PLEKHB2: variants seen among roughly 807,000 people sequenced by gnomAD.
The protein encoded by PLEKHB2 is pleckstrin homology domain containing B2, also known as pleckstrin homology domain-containing family B member 2.
PLEKHB2 carries 31 observed loss-of-function variants against 36.5 expected under a neutral mutation model. The observed-to-expected ratio is 0.85, with a 90% confidence interval of 0.64 to 1.15. The LOEUF (loss-of-function observed/expected upper bound fraction) is 1.15. Ranked by LOEUF, PLEKHB2 falls within the 50% of genes most tolerant of loss-of-function variation. The pLI is 0.00. For synonymous variants in PLEKHB2, 119 were observed against 112.0 expected, an observed-to-expected ratio of 1.06 and a Z score of -0.39; for missense variants, 262 against 295.3, an observed-to-expected ratio of 0.89 and a Z score of 0.83.
At chr2:131,111,814 T>C (rs1023980578) in intron 1 of PLEKHB2, among the ~76,000 whole-genome samples, 4 of 152,306 alleles carry the variant, frequency 2.6e-5, no homozygotes, top group Admixed American at 2.0e-4. Context: ...TTTAAAGTTT[T>C]CTTTTGTACC....
chr2:131,144,436 T>G (rs1294739747), intron 7 of PLEKHB2: 5 of 1,226,732 alleles, frequency 4.1e-6, no homozygotes, highest in East Asian at 3.2e-5. Context: ...GTCATTGCAC[T>G]GCAGTTTCCA....
chr2:131,145,747 T>A (rs1699222676), intron 7 of PLEKHB2, among the ~76,000 whole-genome samples: 1 of 152,238 alleles, frequency 6.6e-6, no homozygotes, highest in South Asian at 2.1e-4. Context: ...CTGTGAAGCA[T>A]GGAAGAGAGC....
chr2:131,125,875 A>G lies in PLEKHB2; in HGVS notation c.160A>G (p.Ile54Val). ...TAAGGTCCACATGCCAATGGACTGC[A>G]TCAACATCCGCACGGGGCAGGAATG... ...EDKVHMPMDC[I>V]NIRTGQECRD... Residue 54 changes from isoleucine to valine, a missense_variant, in exon 3 of 8, where the codon ATC becomes GTC. Physicochemically the swap from Ile to Val is conservative, Grantham distance 29. Coordinates refer to ENST00000693505, the MANE Select transcript of PLEKHB2 (RefSeq NM_001100623.2). 1 of 1,613,634 alleles carries G rather than the reference A, an allele frequency of 6.2e-7. No homozygotes were observed.
intron 1 of PLEKHB2, 126 bp from the exon 2 acceptor site, chr2:131,120,808 A>G (rs779292552): frequency 1.2e-6 from 1 of 848,910 alleles, no homozygotes; most frequent in African/African-American, 1.7e-5. Context: ...CCAGGGGGGC[A>G]CTGAGCTAAA....
intron 4 of PLEKHB2, among the ~76,000 whole-genome samples, chr2:131,127,697 GAAAT>G (rs1244116859): frequency 6.6e-5 from 10 of 152,208 alleles, no homozygotes; most frequent in Non-Finnish European, 1.5e-5. Flanking sequence ...GTTAAAGAAA[GAAAT>G]AGATGATTCT....
chr2:131,138,015 ATTT>A (rs779343791), intron 6 of PLEKHB2, among the ~76,000 whole-genome samples: 1 of 113,290 alleles, frequency 8.8e-6, no homozygotes, highest in Admixed American at 8.9e-5. Flanking sequence ...AGAGATGCTC[ATTT>A]TTTTTTTTTT....
rs1267532771 is a variant in PLEKHB2 at position 131,123,773 on chromosome 2, CCA to C, written c.38-1978_38-1977del. Among the ~76,000 whole-genome samples the C allele has an allele frequency of 1.7e-3, 68 of 39,610 alleles. 4 individuals are homozygous for C. Among genetic ancestry groups the C allele is most frequent in the African/African-American group, 5.1e-3 (42 of 8,262 alleles). The allele number at this position is 39,610 out of a possible 152,430, so 26.0% of individuals were successfully genotyped here. On this transcript the variant is annotated intron_variant, in intron 2 of 7. Transcript: ENST00000693505. ...CTTCTGACCTCCTGGTCCACCCCCC[CCA>C]CCCCCCCCCCCGCCCCCCGCCCTCG...
chr2:131,130,787 A>AT, intron 5 of PLEKHB2, 27 bp downstream of exon 5: 4 of 1,578,802 alleles, frequency 2.5e-6, no homozygotes, highest in Non-Finnish European at 3.5e-6. Context: ...AATCACCAAT[A>AT]ATTTTTTTTT....
chr2:131,126,293 C>T (rs928700982), intron 3 of PLEKHB2, among the ~76,000 whole-genome samples: 3 of 151,980 alleles, frequency 2.0e-5, no homozygotes, highest in South Asian at 2.1e-4. Flanking sequence ...TTTGGGAGGC[C>T]GAGGTGGGTG....
rs377580410 is a variant in PLEKHB2 at position 131,125,778 on chromosome 2, G to C, written c.63G>C (p.Lys21Asn). Residue 21 changes from lysine (K) to asparagine (N), a missense_variant, in exon 3 of 8, where the codon AAG becomes AAC. Coordinates refer to ENST00000693505, the MANE Select transcript of PLEKHB2 (RefSeq NM_001100623.2). ...GTACTATTTTGAAGCGCTGGAAGAAGAACTGGTTTGATCTGTGGTCGGATG... is the reference window on the plus strand; with the variant it reads ...GTACTATTTTGAAGCGCTGGAAGAACAACTGGTTTGATCTGTGGTCGGATG... ...RQSTILKRWK[K>N]NWFDLWSDGH... 9.9e-6 allele frequency: 16 copies of C among 1,611,742 alleles called. No individual in the cohort carries two copies. Among genetic ancestry groups the C allele is most frequent in the African/African-American group, 1.3e-5 (1 of 74,554 alleles).
chr2:131,110,953 G>A lies in PLEKHB2; in HGVS notation c.-9+5555G>A, dbSNP rs138551726. 3.9e-5 allele frequency among the ~76,000 whole-genome samples: 6 copies of A among 151,964 alleles called. No homozygotes were observed. In the East Asian group the frequency reaches 1.2e-3, roughly 29 times the overall value. On this transcript the variant is annotated intron_variant, in intron 1 of 7. Coordinates refer to ENST00000693505, the MANE Select transcript of PLEKHB2 (RefSeq NM_001100623.2). ...TCCTGTTGCAGGAAATGGTTTTATAGTATTATTTCTCTGCTCTTTTCTCTG... is the reference window on the plus strand; with the variant it reads ...TCCTGTTGCAGGAAATGGTTTTATAATATTATTTCTCTGCTCTTTTCTCTG...
chr2:131,149,673 A>C lies in PLEKHB2; in HGVS notation c.*2900A>C, dbSNP rs1209260433. 2 of 152,226 alleles carry C rather than the reference A, an allele frequency of 1.3e-5. No homozygotes were observed. The highest frequency in any genetic ancestry group is 4.8e-5 in the African/African-American group (2 of 41,452). The allele number at this position is 152,226 out of a possible 1,614,324, so 9.4% of individuals were successfully genotyped here. A position where few individuals can be genotyped will look rare whatever the true frequency, so the allele number is the denominator to read the frequency against. ...CTTTTTCCTTCCCTAGTGTATGTAG[A>C]TACAAGGCATGGAATGCAGTTCCAC... On this transcript the variant is annotated 3_prime_UTR_variant, in exon 8 of 8. Coordinates refer to ENST00000693505, the MANE Select transcript of PLEKHB2 (RefSeq NM_001100623.2).
At chr2:131,142,906 G>A (rs1354575777) in intron 7 of PLEKHB2, among the ~76,000 whole-genome samples, 1 of 152,010 alleles carries the variant, frequency 6.6e-6, no homozygotes, top group Non-Finnish European at 1.5e-5. Context: ...ATCTCTATAT[G>A]CAGGCAGGCC....
Position 131,149,305 on chromosome 2 carries a change from G to A in PLEKHB2, c.*2532G>A, listed in dbSNP as rs922285839. 2.0e-5 allele frequency: 3 copies of A among 152,228 alleles called. No individual in the cohort carries two copies. The highest frequency in any genetic ancestry group is 7.2e-5 in the African/African-American group (3 of 41,458). 9.4% of individuals were successfully genotyped at this position (152,228 alleles called of 1,614,324 possible). A position where few individuals can be genotyped will look rare whatever the true frequency, so the allele number is the denominator to read the frequency against. On this transcript the variant is annotated 3_prime_UTR_variant, in exon 8 of 8. Transcript: ENST00000693505. ...TGCTACACTTAGTGTGAGTCAAGAA[G>A]TGCTTGAGTTACAAGAAACTTCTTA...
chr2:131,129,086 AG>A (rs567242701), intron 4 of PLEKHB2, among the ~76,000 whole-genome samples: 1 of 152,228 alleles, frequency 6.6e-6, no homozygotes, highest in Non-Finnish European at 1.5e-5. Context: ...GCACTTTGGG[AG>A]GTCAAGGCGG....
intron 4 of PLEKHB2, among the ~76,000 whole-genome samples, chr2:131,127,620 T>C (rs773500287): frequency 1.3e-5 from 2 of 152,202 alleles, no homozygotes; most frequent in African/African-American, 2.4e-5. Context: ...TCATCTTCCC[T>C]GAGGGGAAAA....
At chr2:131,135,132 C>T (rs1469511567) in intron 6 of PLEKHB2, among the ~76,000 whole-genome samples, 8 of 151,788 alleles carry the variant, frequency 5.3e-5, no homozygotes, top group East Asian at 1.9e-4. Flanking sequence ...AGTGCAGTGG[C>T]GCGATCTTGG....
chr2:131,119,720 C>G (rs1465774775), intron 1 of PLEKHB2, among the ~76,000 whole-genome samples: 1 of 152,092 alleles, frequency 6.6e-6, no homozygotes, highest in Non-Finnish European at 1.5e-5. Context: ...TTTCTCCTTG[C>G]TGGGTGTCTT....
At chr2:131,131,758 CTTT>C (rs35889012) in intron 5 of PLEKHB2, among the ~76,000 whole-genome samples, 6 of 139,110 alleles carry the variant, frequency 4.3e-5, no homozygotes, top group Non-Finnish European at 4.8e-5. Flanking sequence ...GAAAATCCCC[CTTT>C]TTTTTTTTTT....
Sources: gnomAD v4.1 joint callset for allele counts (sites outside exome capture counted in the v4.1 genomes callset) on GRCh38, gnomAD v4.1.1 for gene constraint, MANE v1.5 for transcripts, NCBI Gene and HGNC (gene_info 2026-07-23, HGNC 2026-07-21) for gene names.